The following MYO16 variants were observed in gnomAD, a reference collection of about 807,000 sequenced individuals.
MYO16 encodes myosin XVI, also known as unconventional myosin-XVI.
MYO16 carries 94 observed loss-of-function variants against 205.3 expected under a neutral mutation model. The ratio of observed to expected loss-of-function variants is 0.46; its 90% CI spans 0.39 to 0.54. The LOEUF is 0.54. MYO16 is among the 20% of genes least tolerant of loss of function. The probability of loss-of-function intolerance (pLI) is 0.00; values close to 1 mark genes in which losing one functional copy is unlikely to be tolerated. For synonymous variants in MYO16, 988 were observed against 954.0 expected (o/e 1.04, Z -0.66); for missense variants, 2,315 against 2,387.5 (o/e 0.97, Z 0.63).
intron 34 of MYO16, among the ~76,000 whole-genome samples, chr13:109,186,349 GC>G (rs1879688270): frequency 6.6e-6 from 1 of 152,180 alleles, no homozygotes; most frequent in African/African-American, 2.4e-5. Flanking sequence ...ACCTGCTGCT[GC>G]TGGCCCTAGG....
At chr13:108,974,201 T>TC (rs1379198882) in intron 20 of MYO16, among the ~76,000 whole-genome samples, 26 of 152,216 alleles carry the variant, frequency 1.7e-4, no homozygotes, top group Non-Finnish European at 1.3e-4. Context: ...TTTTCGGGTA[T>TC]CCAAGGATTT....
Position 108,944,700 on chromosome 13 carries a change from A to G in MYO16, c.1926-12988A>G, listed in dbSNP as rs147785545. ...AAAGAGCCTACAATATCATAATTCC[A>G]TTTCAATTTATTTCTAAAGAAATAT... On this transcript the variant is annotated intron_variant, in intron 16 of 34. Coordinates refer to ENST00000457511, the MANE Select transcript of MYO16 (RefSeq NM_001198950.3). 2.0e-4 allele frequency among the ~76,000 whole-genome samples: 30 copies of G among 152,338 alleles called. No individual in the cohort carries two copies. In the East Asian group the frequency reaches 4.2e-3, roughly 22 times the overall value.
chr13:109,206,529 T>A (rs2139983612), intron 34 of MYO16, 80 bp from the exon 35 acceptor site: 1 of 1,045,760 alleles, frequency 9.6e-7, no homozygotes, highest in Non-Finnish European at 1.4e-6. Flanking sequence ...CCCCTTTGTA[T>A]CCAGGTGTTG....
the MYO16 span, among the ~76,000 whole-genome samples, chr13:108,557,010 T>C: frequency 1.3e-5 from 2 of 152,162 alleles, no homozygotes; most frequent in Admixed American, 1.3e-4. Flanking sequence ...TTTATGCTGG[T>C]ACCGTGGTAT....
chr13:109,131,536 T>A (rs980748560), intron 31 of MYO16, among the ~76,000 whole-genome samples: 8 of 152,176 alleles, frequency 5.3e-5, no homozygotes, highest in Admixed American at 5.2e-4. Context: ...CTTTTTTTTT[T>A]ATTATACTTT....
chr13:109,181,197 T>C (rs1415433210), intron 34 of MYO16, among the ~76,000 whole-genome samples: 3 of 152,246 alleles, frequency 2.0e-5, no homozygotes, highest in Non-Finnish European at 4.4e-5. Flanking sequence ...TGTTTTCAAA[T>C]GCAGACATCC....
chr13:108,866,847 G>C (rs1035962734), intron 12 of MYO16, among the ~76,000 whole-genome samples: 8 of 152,280 alleles, frequency 5.3e-5, no homozygotes, highest in Admixed American at 5.2e-4. Context: ...GAGGCTGCCT[G>C]AAACCAGGAG....
At chr13:108,518,469 G>C in the MYO16 span, among the ~76,000 whole-genome samples, 1 of 152,112 alleles carries the variant, frequency 6.6e-6, no homozygotes, top group Non-Finnish European at 1.5e-5. Flanking sequence ...TTCTAAATAT[G>C]TCTCCTTTTC....
chr13:108,936,096 CCTTCCT>C (rs1882468067), intron 16 of MYO16, among the ~76,000 whole-genome samples: 1 of 84,042 alleles, frequency 1.2e-5, no homozygotes, highest in African/African-American at 3.9e-5. Flanking sequence ...TTCCTTCCTT[CCTTCCT>C]TCCTTCCTTC....
intron 4 of MYO16, among the ~76,000 whole-genome samples, chr13:108,762,286 A>C (rs909589440): frequency 3.8e-5 from 4 of 104,064 alleles, no homozygotes; most frequent in African/African-American, 1.3e-4. Flanking sequence ...GCTATTGTGA[A>C]TGGTGCTGCA....
intron 2 of MYO16, among the ~76,000 whole-genome samples, chr13:108,701,064 A>T (rs1057344367): frequency 3.9e-5 from 6 of 152,178 alleles, no homozygotes; most frequent in Admixed American, 2.6e-4. Context: ...ATGTTTACTC[A>T]TTGACTACTA....
chr13:108,635,338 T>C (rs1269859316), intron 1 of MYO16, among the ~76,000 whole-genome samples: 1 of 152,220 alleles, frequency 6.6e-6, no homozygotes, highest in Non-Finnish European at 1.5e-5. Context: ...ATATAATAAA[T>C]AGTTAAGGGT....
chr13:108,572,927 G>A, the MYO16 span, among the ~76,000 whole-genome samples: 2 of 152,174 alleles, frequency 1.3e-5, no homozygotes, highest in Non-Finnish European at 2.9e-5. Flanking sequence ...AGGACTGTGG[G>A]TGTCCGCTGC....
chr13:108,994,380 A>T (rs1251578586), intron 21 of MYO16, among the ~76,000 whole-genome samples: 2 of 152,284 alleles, frequency 1.3e-5, no homozygotes, highest in East Asian at 3.9e-4. Context: ...TATTGTGTAC[A>T]AAAGCAACTA....
intron 7 of MYO16, among the ~76,000 whole-genome samples, chr13:108,813,258 ATGTAT>A (rs1363518451): frequency 6.6e-6 from 1 of 152,134 alleles, no homozygotes; most frequent in Non-Finnish European, 1.5e-5. Flanking sequence ...AAAAGTAGTA[ATGTAT>A]TAGACTTTCT....
At chr13:109,195,046 C>CAAAAA (rs376878418) in intron 34 of MYO16, among the ~76,000 whole-genome samples, 2 of 139,456 alleles carry the variant, frequency 1.4e-5, no homozygotes, top group African/African-American at 5.3e-5. Flanking sequence ...CTGCCAAATG[C>CAAAAA]AAAAAAAAAA....
chr13:108,554,156 A>G, the MYO16 span, among the ~76,000 whole-genome samples: 1 of 152,118 alleles, frequency 6.6e-6, no homozygotes, highest in Non-Finnish European at 1.5e-5. Context: ...CCTTAACTTG[A>G]CGACAAATTA....
chr13:108,888,328 C>A, intron 13 of MYO16, 44 bp from the exon 14 acceptor site: 1 of 1,378,270 alleles, frequency 7.3e-7, no homozygotes. Flanking sequence ...AGCTTTGAAG[C>A]AAAGTTCCTT....
the MYO16 span, among the ~76,000 whole-genome samples, chr13:108,564,202 G>A: frequency 4.5e-5 from 6 of 133,480 alleles, no homozygotes; most frequent in Admixed American, 4.2e-4. Context: ...AGAGGGTCTC[G>A]CTCTCTTGCC....
Sources: gnomAD v4.1 joint callset for allele counts (sites outside exome capture counted in the v4.1 genomes callset) on GRCh38, gnomAD v4.1.1 for gene constraint, MANE v1.5 for transcripts, NCBI Gene and HGNC (gene_info 2026-07-23, HGNC 2026-07-21) for gene names.